The following GLIS3 variants were observed in gnomAD, a reference collection of about 807,000 sequenced individuals.
The protein encoded by GLIS3 is GLIS family zinc finger 3.
GLIS3 carries 53 observed loss-of-function variants against 78.6 expected under a neutral mutation model. The observed-to-expected ratio is 0.67, with a 90% CI of 0.54 to 0.85. The LOEUF (loss-of-function observed/expected upper bound fraction) is 0.85. Ranked by LOEUF, GLIS3 falls within the 40% of genes least tolerant of loss-of-function variation. The pLI is 0.00. For synonymous variants in GLIS3, 684 were observed against 509.9 expected, an observed-to-expected ratio of 1.34 and a Z score of -4.60; for missense variants, 1,703 against 1,231.1, an observed-to-expected ratio of 1.38 and a Z score of -5.74.
chr9:4,192,203 C>G (rs550395463), intron 2 of GLIS3, among the ~76,000 whole-genome samples: 31 of 152,326 alleles, frequency 2.0e-4, no homozygotes, highest in African/African-American at 5.8e-4. Flanking sequence ...TTTACCCACA[C>G]TAAGCCTTTA....
chr9:4,293,237 T>C (rs1263815159), intron 1 of GLIS3, among the ~76,000 whole-genome samples: 1 of 152,210 alleles, frequency 6.6e-6, no homozygotes, highest in African/African-American at 2.4e-5. Context: ...AACAAACATC[T>C]ACCTATGGAA....
chr9:4,395,364 C>T, the GLIS3 span, among the ~76,000 whole-genome samples: 15 of 152,068 alleles, frequency 9.9e-5, no homozygotes, highest in Non-Finnish European at 2.2e-4. Flanking sequence ...TCTTTTTCTC[C>T]CTTCTCATTT....
At chr9:4,067,017 A>G (rs569636988) in intron 4 of GLIS3, among the ~76,000 whole-genome samples, 10 of 152,178 alleles carry the variant, frequency 6.6e-5, no homozygotes, top group African/African-American at 2.2e-4. Context: ...ACCCTCCCCA[A>G]TGGGATCTAA....
chr9:4,446,112 C>G, the GLIS3 span, among the ~76,000 whole-genome samples: 131 of 152,302 alleles, frequency 8.6e-4, 1 homozygote, highest in Middle Eastern at 0.02. Flanking sequence ...GTTTACCAGG[C>G]TGTGATCTCT....
chr9:4,435,927 T>C, the GLIS3 span, among the ~76,000 whole-genome samples: 48 of 152,132 alleles, frequency 3.2e-4, 1 homozygote, highest in Middle Eastern at 0.01. Context: ...CCAGCCTGGG[T>C]GACAGAGCCA....
At chr9:4,248,610 T>A (rs1360392289) in intron 2 of GLIS3, among the ~76,000 whole-genome samples, 2 of 152,242 alleles carry the variant, frequency 1.3e-5, no homozygotes, top group Admixed American at 1.3e-4. Flanking sequence ...TACTCAGTAG[T>A]GGGATTGCTG....
intron 8 of GLIS3, among the ~76,000 whole-genome samples, chr9:3,873,691 GA>G (rs1391696526): frequency 6.6e-6 from 1 of 151,656 alleles, no homozygotes; most frequent in African/African-American, 2.4e-5. Context: ...TAAAGTCAAA[GA>G]AAAAGTCAAA....
intron 9 of GLIS3, among the ~76,000 whole-genome samples, chr9:3,835,900 A>G (rs982758013): frequency 6.6e-6 from 1 of 152,346 alleles, no homozygotes; most frequent in Middle Eastern, 3.4e-3. Flanking sequence ...GCCTTTTTGG[A>G]GCCTGCATTT....
At chr9:4,369,498 A>G in the GLIS3 span, among the ~76,000 whole-genome samples, 1 of 152,166 alleles carries the variant, frequency 6.6e-6, no homozygotes, top group African/African-American at 2.4e-5. Context: ...GTTCCACCAT[A>G]TGATCAAAAT....
intron 4 of GLIS3, among the ~76,000 whole-genome samples, chr9:4,042,950 G>GAAA (rs5896041): frequency 8.8e-6 from 1 of 113,572 alleles, no homozygotes; most frequent in African/African-American, 2.8e-5. Flanking sequence ...TGCTTGAAAA[G>GAAA]AAAAAAAAAA....
At position 4,112,423 on chromosome 9, in the gene GLIS3, G is replaced by A. The variant is rs555594303; in HGVS notation, c.1710+5345C>T. 2.6e-5 allele frequency among the ~76,000 whole-genome samples: 4 copies of A among 152,244 alleles called. No individual in the cohort carries two copies. The South Asian group carries it at 8.3e-4, about 32-fold the overall frequency. ...CCCTGCATCTTAACAGAAGTAACAG[G>A]GTAGGCTTTTATTTATCTAGCACTA... On this transcript the variant is annotated intron_variant, in intron 4 of 10. Transcript: ENST00000381971.
At chr9:4,408,367 A>T in the GLIS3 span, among the ~76,000 whole-genome samples, 1 of 151,726 alleles carries the variant, frequency 6.6e-6, no homozygotes, top group African/African-American at 2.4e-5. Flanking sequence ...TGTTCTCTAT[A>T]GAGAATAGAA....
At chr9:4,204,150 A>C (rs1819642561) in intron 2 of GLIS3, among the ~76,000 whole-genome samples, 1 of 152,234 alleles carries the variant, frequency 6.6e-6, no homozygotes, top group Non-Finnish European at 1.5e-5. Flanking sequence ...CAATGAATTT[A>C]AGCTGATGAA....
the GLIS3 span, among the ~76,000 whole-genome samples, chr9:4,410,002 A>ACT: frequency 1.1e-4 from 17 of 152,192 alleles, no homozygotes; most frequent in African/African-American, 3.9e-4. Context: ...ACAGGGCCTC[A>ACT]CTCTGTCACC....
intron 4 of GLIS3, among the ~76,000 whole-genome samples, chr9:4,010,962 C>T (rs1821956041): frequency 1.3e-5 from 2 of 152,092 alleles, no homozygotes; most frequent in African/African-American, 4.8e-5. Flanking sequence ...TAGAGTAGAA[C>T]ATTTATTTTT....
intron 2 of GLIS3, among the ~76,000 whole-genome samples, chr9:4,127,726 C>T (rs1367131689): frequency 1.3e-5 from 2 of 152,042 alleles, no homozygotes; most frequent in Non-Finnish European, 2.9e-5. Context: ...TCCCCAGGTC[C>T]CATTGCTACT....
chr9:3,928,691 T>C (rs969505453), intron 6 of GLIS3, among the ~76,000 whole-genome samples: 1 of 152,216 alleles, frequency 6.6e-6, no homozygotes, highest in Non-Finnish European at 1.5e-5. Context: ...GACATATAAA[T>C]GTGTGTTGCA....
intron 2 of GLIS3, among the ~76,000 whole-genome samples, chr9:4,234,411 G>C (rs778090216): frequency 5.9e-5 from 9 of 152,162 alleles, no homozygotes; most frequent in Non-Finnish European, 1.3e-4. Context: ...ACAAGGAGAG[G>C]GAGAGAGATA....
At chr9:4,428,109 C>T in the GLIS3 span, among the ~76,000 whole-genome samples, 1 of 151,954 alleles carries the variant, frequency 6.6e-6, no homozygotes, top group African/African-American at 2.4e-5. Context: ...AGGAGGAGGC[C>T]ATGGGAGTTT....
Sources: gnomAD v4.1 joint callset for allele counts (sites outside exome capture counted in the v4.1 genomes callset) on GRCh38, gnomAD v4.1.1 for gene constraint, MANE v1.5 for transcripts, NCBI Gene and HGNC (gene_info 2026-07-23, HGNC 2026-07-21) for gene names.